SCAI: variants seen among roughly 807,000 people sequenced by gnomAD.
SCAI encodes the protein protein SCAI.
Under a neutral mutation model 92.2 loss-of-function variants are expected in SCAI, and 24 were observed. The observed-to-expected ratio is 0.26, with a 90% confidence interval of 0.19 to 0.37. The LOEUF (loss-of-function observed/expected upper bound fraction) is 0.37. Ranked by LOEUF, SCAI falls within the 10% of genes least tolerant of loss-of-function variation. SCAI has a pLI of 1.00. For missense variants in SCAI, 450 were observed against 736.2 expected, an observed-to-expected ratio of 0.61 and a Z score of 4.50; for synonymous variants, 261 against 258.6, an observed-to-expected ratio of 1.01 and a Z score of -0.09.
chr9:125,006,993 C>T (rs975807312), intron 9 of SCAI, among the ~76,000 whole-genome samples: 3 of 151,918 alleles, frequency 2.0e-5, no homozygotes, highest in Admixed American at 6.6e-5. Context: ...GTAGGGCGTG[C>T]CTGTAGTCCT....
At chr9:125,122,588 CAAAA>C (rs34757267) in intron 2 of SCAI, among the ~76,000 whole-genome samples, 1,606 of 59,712 alleles carry the variant, frequency 0.027, 28 homozygotes, top group African/African-American at 0.079. Flanking sequence ...GACTCCATCT[CAAAA>C]AAAAAAAAAA....
chr9:125,129,611 G>A (rs138229667), intron 2 of SCAI, among the ~76,000 whole-genome samples: 84 of 150,532 alleles, frequency 5.6e-4, no homozygotes, highest in African/African-American at 1.9e-3. Context: ...TTACAGGCAC[G>A]TGCCACCACA....
At chr9:124,999,787 A>T (rs958781488) in intron 13 of SCAI, 104 bp downstream of exon 13, 4 of 639,732 alleles carry the variant, frequency 6.3e-6, no homozygotes, top group Admixed American at 3.2e-5. Context: ...AGTCTAAGGG[A>T]ATCATTCTAG....
At chr9:125,043,342 T>C (rs1436370984) in intron 3 of SCAI, among the ~76,000 whole-genome samples, 1 of 152,230 alleles carries the variant, frequency 6.6e-6, no homozygotes, top group Non-Finnish European at 1.5e-5. Flanking sequence ...CCAAACCATG[T>C]TTCTGTGTTC....
chr9:125,143,510 C>T lies in SCAI; in HGVS notation c.-73G>A, dbSNP rs953875497. On this transcript the variant is annotated 5_prime_UTR_variant, in exon 1 of 18. Transcript: ENST00000336505. ...GCTCGGGAAGCTGAGGCGGCGGAGG[C>T]TGGAGTAGGCGGAGAGGCGGGAGGA... 3 of 1,256,628 alleles carry T rather than the reference C, an allele frequency of 2.4e-6. 1 individual carries two copies. The highest frequency in any genetic ancestry group is 8.3e-5 in the Admixed American group (2 of 24,156). The allele number at this position is 1,256,628 out of a possible 1,614,324, so 77.8% of individuals were successfully genotyped here. A position where few individuals can be genotyped will look rare whatever the true frequency, so the allele number is the denominator to read the frequency against.
chr9:125,131,117 T>G (rs892136376), intron 2 of SCAI, among the ~76,000 whole-genome samples: 9 of 151,384 alleles, frequency 5.9e-5, no homozygotes, highest in African/African-American at 2.2e-4. Context: ...TTTTAAAAAA[T>G]TATTAGCACT....
At chr9:124,956,391 G>A (rs1299797793) in intron 17 of SCAI, among the ~76,000 whole-genome samples, 1 of 151,888 alleles carries the variant, frequency 6.6e-6, no homozygotes, top group Non-Finnish European at 1.5e-5. Flanking sequence ...GCTAATTTTT[G>A]TATTTTTAGT....
At chr9:125,020,810 A>G (rs1277479436) in intron 6 of SCAI, 41 bp from the exon 7 acceptor site, 1 of 910,928 alleles carries the variant, frequency 1.1e-6, no homozygotes, top group Non-Finnish European at 1.7e-6. Context: ...AGATTAAAAA[A>G]GAATGCTTTT....
chr9:125,074,050 G>A lies in SCAI; in HGVS notation c.99-18043C>T, dbSNP rs551255343. 4.6e-3 allele frequency among the ~76,000 whole-genome samples: 694 copies of A among 151,490 alleles called. 2 individuals are homozygous for A. Among genetic ancestry groups the A allele is most frequent in the Non-Finnish European group, 7.3e-3 (499 of 67,894 alleles). On this transcript the variant is annotated intron_variant, in intron 2 of 17. Coordinates refer to ENST00000336505, the MANE Select transcript of SCAI (RefSeq NM_001144877.3). ...CGAGGTGGGCAGATCATGAGGTCAA[G>A]AGATCGAGACCGTCCTGGCTAACAC...
chr9:125,029,142 C>T (rs1221351701), intron 4 of SCAI, among the ~76,000 whole-genome samples: 2 of 151,742 alleles, frequency 1.3e-5, no homozygotes, highest in African/African-American at 4.8e-5. Flanking sequence ...TTTTTTGAGA[C>T]AGGGTCTCTC....
At chr9:125,112,559 G>A (rs951844073) in intron 2 of SCAI, among the ~76,000 whole-genome samples, 1 of 152,196 alleles carries the variant, frequency 6.6e-6, no homozygotes, top group Non-Finnish European at 1.5e-5. Flanking sequence ...AAACAGGCTT[G>A]TCACATGACA....
At chr9:125,078,250 G>A (rs1834136177) in intron 2 of SCAI, among the ~76,000 whole-genome samples, 1 of 152,020 alleles carries the variant, frequency 6.6e-6, no homozygotes, top group Admixed American at 6.6e-5. Flanking sequence ...CATTAGGCTG[G>A]GCGTGTTGGC....
intron 14 of SCAI, among the ~76,000 whole-genome samples, chr9:124,989,052 T>C (rs1012357787): frequency 6.6e-6 from 1 of 151,924 alleles, no homozygotes; most frequent in African/African-American, 2.4e-5. Flanking sequence ...GGCAGGAGAA[T>C]CTCCTGAACC....
intron 2 of SCAI, among the ~76,000 whole-genome samples, chr9:125,097,195 G>C (rs930383158): frequency 1.3e-5 from 2 of 152,308 alleles, no homozygotes; most frequent in African/African-American, 4.8e-5. Flanking sequence ...CACTTTGGGA[G>C]ACCGAGGTGG....
chr9:125,110,418 G>C (rs957150429), intron 2 of SCAI, among the ~76,000 whole-genome samples: 6 of 152,200 alleles, frequency 3.9e-5, no homozygotes, highest in African/African-American at 1.4e-4. Flanking sequence ...ACTGAGGTGG[G>C]AGGATCACTT....
intron 14 of SCAI, among the ~76,000 whole-genome samples, chr9:124,977,422 G>A (rs1161105078): frequency 6.6e-6 from 1 of 152,140 alleles, no homozygotes; most frequent in East Asian, 1.9e-4. Context: ...GCTCACGACT[G>A]TAATCCCAGC....
chr9:125,072,419 AAC>A (rs556574872), intron 2 of SCAI, among the ~76,000 whole-genome samples: 260 of 152,368 alleles, frequency 1.7e-3, no homozygotes, highest in Non-Finnish European at 3.0e-3. Context: ...ATAACAATGA[AAC>A]AGTGTTTAAT....
At chr9:124,984,676 T>A (rs1173721359) in intron 14 of SCAI, among the ~76,000 whole-genome samples, 1 of 152,174 alleles carries the variant, frequency 6.6e-6, no homozygotes, top group African/African-American at 2.4e-5. Flanking sequence ...TGGAAGAGCC[T>A]AGGAATTCCG....
intron 12 of SCAI, among the ~76,000 whole-genome samples, chr9:125,000,649 A>G (rs1407649196): frequency 6.7e-6 from 1 of 149,964 alleles, no homozygotes; most frequent in African/African-American, 2.4e-5. Context: ...TTTTTTTTTT[A>G]AAGAATGAAA....
Sources: gnomAD v4.1 joint callset for allele counts (sites outside exome capture counted in the v4.1 genomes callset) on GRCh38, gnomAD v4.1.1 for gene constraint, MANE v1.5 for transcripts, NCBI Gene and HGNC (gene_info 2026-07-23, HGNC 2026-07-21) for gene names.